The following PID1 variants were observed in gnomAD, a reference collection of about 807,000 sequenced individuals.
PID1 encodes phosphotyrosine interaction domain containing 1.
A neutral mutation model predicts 19.1 loss-of-function variants in PID1; 10 were observed. The observed-to-expected ratio is 0.52, with a 90% CI of 0.32 to 0.89. The LOEUF (loss-of-function observed/expected upper bound fraction) is 0.89, where lower values mean the gene tolerates loss of function less well. PID1 is among the 40% of genes least tolerant of loss of function. The probability of loss-of-function intolerance (pLI) is 0.03; values close to 1 mark genes in which losing one functional copy is unlikely to be tolerated. For synonymous variants in PID1, 130 were observed against 116.0 expected (o/e 1.12, Z -0.78); for missense variants, 248 against 285.3 (o/e 0.87, Z 0.94).
chr2:229,118,194 A>T (rs1281945871), intron 2 of PID1, among the ~76,000 whole-genome samples: 4 of 152,326 alleles, frequency 2.6e-5, no homozygotes, highest in Admixed American at 2.0e-4. Flanking sequence ...TCTATTATAC[A>T]TCCAAACCAT....
intron 2 of PID1, among the ~76,000 whole-genome samples, chr2:229,088,352 A>G (rs1694808764): frequency 6.6e-6 from 1 of 152,156 alleles, no homozygotes; most frequent in Non-Finnish European, 1.5e-5. Flanking sequence ...TGCCTTAGAT[A>G]AGAAATCCCT....
At chr2:229,206,427 T>G (rs1460545853) in intron 1 of PID1, among the ~76,000 whole-genome samples, 1 of 152,160 alleles carries the variant, frequency 6.6e-6, no homozygotes, top group Non-Finnish European at 1.5e-5. Flanking sequence ...AAGAAACTCA[T>G]TTAAGTGAAA....
intron 2 of PID1, among the ~76,000 whole-genome samples, chr2:229,063,765 T>A (rs1271533335): frequency 6.6e-6 from 1 of 152,118 alleles, no homozygotes. Context: ...TATAGCACCC[T>A]TTAGATCTAT....
At chr2:229,122,492 G>A (rs1031531855) in intron 2 of PID1, among the ~76,000 whole-genome samples, 1 of 151,944 alleles carries the variant, frequency 6.6e-6, no homozygotes, top group Non-Finnish European at 1.5e-5. Context: ...CTTTTCCCCA[G>A]GGACACAGCG....
chr2:229,061,858 T>C (rs559941715), intron 2 of PID1, among the ~76,000 whole-genome samples: 1 of 152,084 alleles, frequency 6.6e-6, no homozygotes, highest in South Asian at 2.1e-4. Flanking sequence ...TTGACACATA[T>C]TGTGACTAGG....
At chr2:229,105,590 T>A (rs1695160753) in intron 2 of PID1, among the ~76,000 whole-genome samples, 1 of 152,188 alleles carries the variant, frequency 6.6e-6, no homozygotes, top group South Asian at 2.1e-4. Flanking sequence ...AGTTCCCAAG[T>A]CGCCCTGAAC....
At chr2:229,074,578 T>C (rs1694521219) in intron 2 of PID1, among the ~76,000 whole-genome samples, 1 of 152,204 alleles carries the variant, frequency 6.6e-6, no homozygotes, top group South Asian at 2.1e-4. Context: ...TTAAATACTA[T>C]CTCATGATTC....
chr2:229,238,509 T>A (rs906136976), intron 1 of PID1, among the ~76,000 whole-genome samples: 3 of 152,144 alleles, frequency 2.0e-5, no homozygotes, highest in African/African-American at 7.2e-5. Context: ...ACAGTACTTA[T>A]AAGAAAAGAG....
chr2:229,117,526 C>A (rs1332975574), intron 2 of PID1, among the ~76,000 whole-genome samples: 1 of 152,176 alleles, frequency 6.6e-6, no homozygotes, highest in Non-Finnish European at 1.5e-5. Context: ...TGTAGCCAGG[C>A]CGATAATGCT....
At chr2:229,180,892 C>A (rs1163641438) in intron 1 of PID1, among the ~76,000 whole-genome samples, 2 of 152,238 alleles carry the variant, frequency 1.3e-5, no homozygotes, top group African/African-American at 4.8e-5. Flanking sequence ...TCAGGACCGA[C>A]TGACCCGTGT....
intron 1 of PID1, among the ~76,000 whole-genome samples, chr2:229,258,861 C>CAAAAAA (rs60923610): frequency 1.5e-5 from 1 of 66,996 alleles, no homozygotes; most frequent in African/African-American, 5.1e-5. Context: ...GACTCCGTCT[C>CAAAAAA]AAAAAAAAAA....
At chr2:229,083,278 T>A (rs1202299846) in intron 2 of PID1, among the ~76,000 whole-genome samples, 1 of 152,210 alleles carries the variant, frequency 6.6e-6, no homozygotes. Flanking sequence ...GAGTGGCTAA[T>A]GTATACCAAG....
chr2:229,270,797 T>C (rs968428594), intron 1 of PID1, among the ~76,000 whole-genome samples: 1 of 152,086 alleles, frequency 6.6e-6, no homozygotes, highest in African/African-American at 2.4e-5. Context: ...AAGCCAAAAG[T>C]TGTAACGCCT....
chr2:229,076,020 C>A (rs1218720629), intron 2 of PID1, among the ~76,000 whole-genome samples: 2 of 152,144 alleles, frequency 1.3e-5, no homozygotes. Flanking sequence ...GTTGTCTATG[C>A]CATACCATTG....
At chr2:229,270,977 C>A in intron 1 of PID1, 37 bp downstream of exon 1, 1 of 1,448,422 alleles carries the variant, frequency 6.9e-7, no homozygotes, top group Non-Finnish European at 9.0e-7. Flanking sequence ...GGCACCTCCT[C>A]CTCCAGGCTG....
chr2:229,245,252 C>T (rs1689970760), intron 1 of PID1, among the ~76,000 whole-genome samples: 1 of 152,096 alleles, frequency 6.6e-6, no homozygotes, highest in East Asian at 1.9e-4. Flanking sequence ...GTCTCTTGGC[C>T]ATGTGCCTCC....
intron 2 of PID1, among the ~76,000 whole-genome samples, chr2:229,064,005 T>C (rs1197455883): frequency 1.3e-5 from 2 of 151,880 alleles, no homozygotes; most frequent in African/African-American, 4.8e-5. Flanking sequence ...TAGGGGAAAA[T>C]ATTCAAAGCT....
At position 229,249,360 on chromosome 2, in the gene PID1, T is replaced by G. The variant is rs74268311; in HGVS notation, c.30+21654A>C. Reference sequence around the variant, plus strand: ...CAACACAAAAGTAAAATTCTTCTCTTAGCATGCTCATTATGCCACTCTATC... The same window carrying G: ...CAACACAAAAGTAAAATTCTTCTCTGAGCATGCTCATTATGCCACTCTATC... On this transcript the variant is annotated intron_variant, in intron 1 of 2. Coordinates refer to ENST00000392055, the MANE Select transcript of PID1 (RefSeq NM_001100818.2). 4.0e-4 allele frequency among the ~76,000 whole-genome samples: 61 copies of G among 152,306 alleles called. 1 individual carries two copies. The East Asian group carries it at 0.011, about 28-fold the overall frequency.
At chr2:229,166,909 G>C (rs979116831) in intron 1 of PID1, among the ~76,000 whole-genome samples, 6 of 150,786 alleles carry the variant, frequency 4.0e-5, no homozygotes, top group African/African-American at 1.5e-4. Context: ...GGTTGTAATG[G>C]ATTATAACCC....
Sources: gnomAD v4.1 joint callset for allele counts (sites outside exome capture counted in the v4.1 genomes callset) on GRCh38, gnomAD v4.1.1 for gene constraint, MANE v1.5 for transcripts, NCBI Gene and HGNC (gene_info 2026-07-23, HGNC 2026-07-21) for gene names.